WDFY1: variants seen among roughly 807,000 people sequenced by gnomAD.
WDFY1 encodes the protein WD repeat and FYVE domain-containing protein 1.
In WDFY1, 32 loss-of-function variants were observed where a neutral mutation model predicts 56.4. The ratio of observed to expected loss-of-function variants is 0.57; its 90% CI spans 0.43 to 0.76. The LOEUF is 0.76. Ranked by LOEUF, WDFY1 falls within the 30% of genes least tolerant of loss-of-function variation. The probability of loss-of-function intolerance (pLI) is 0.00; values close to 1 mark genes in which losing one functional copy is unlikely to be tolerated. For synonymous variants in WDFY1, 192 were observed against 197.3 expected, an observed-to-expected ratio of 0.97 and a Z score of 0.23; for missense variants, 480 against 545.7, an observed-to-expected ratio of 0.88 and a Z score of 1.20.
chr2:223,930,203 T>C (rs567712118), intron 1 of WDFY1, among the ~76,000 whole-genome samples: 1 of 152,330 alleles, frequency 6.6e-6, no homozygotes, highest in South Asian at 2.1e-4. Flanking sequence ...CGATATTGTA[T>C]GTAAGTGCCT....
At chr2:223,887,856 T>A (rs1395096626) in intron 8 of WDFY1, among the ~76,000 whole-genome samples, 2 of 152,184 alleles carry the variant, frequency 1.3e-5, no homozygotes, top group Non-Finnish European at 2.9e-5. Flanking sequence ...ATTGGCCTGG[T>A]TTGATCCACA....
rs1200980652 is a variant in WDFY1, at chr2:223,877,698, G to A, written c.*973C>T. The A allele has an allele frequency of 6.6e-6, 1 of 152,494 alleles. No homozygotes were observed. Among genetic ancestry groups the A allele is most frequent in the African/African-American group, 2.4e-5 (1 of 41,436 alleles). 9.4% of individuals were successfully genotyped at this position (152,494 alleles called of 1,614,324 possible). A position where few individuals can be genotyped will look rare whatever the true frequency, so the allele number is the denominator to read the frequency against. Reference sequence around the variant, plus strand: ...AGTTATAACTCAAAGTCAAAATAGTGTAAAAGCTGTGGAGTGCTTTTGTAG... The same window carrying A: ...AGTTATAACTCAAAGTCAAAATAGTATAAAAGCTGTGGAGTGCTTTTGTAG... On this transcript the variant is annotated 3_prime_UTR_variant, in exon 12 of 12. Coordinates refer to ENST00000233055, the MANE Select transcript of WDFY1 (RefSeq NM_020830.5).
chr2:223,890,022 C>G (rs1488635345), intron 8 of WDFY1, among the ~76,000 whole-genome samples: 1 of 152,182 alleles, frequency 6.6e-6, no homozygotes, highest in African/African-American at 2.4e-5. Flanking sequence ...TCCAGCCTGC[C>G]TCTCTCTGTG....
At chr2:223,942,526 A>AATTTTTTTTTTT (rs1559178420) in intron 1 of WDFY1, among the ~76,000 whole-genome samples, 3 of 78,752 alleles carry the variant, frequency 3.8e-5, no homozygotes, top group Non-Finnish European at 7.3e-5. Context: ...CCAAAGGCTA[A>AATTTTTTTTTTT]CTTTTTTTTT....
intron 6 of WDFY1, among the ~76,000 whole-genome samples, chr2:223,897,931 T>A (rs1693426379): frequency 6.6e-6 from 1 of 152,134 alleles, no homozygotes. Flanking sequence ...CCTAAGGCCC[T>A]CACCAGAAGC....
chr2:223,894,197 C>G, intron 8 of WDFY1, 37 bp downstream of exon 8: 1 of 1,607,434 alleles, frequency 6.2e-7, no homozygotes, highest in Non-Finnish European at 8.5e-7. Flanking sequence ...TCCTGGGGGT[C>G]TCCCCCGATC....
chr2:223,914,775 T>A (rs1019302311), intron 2 of WDFY1, among the ~76,000 whole-genome samples: 4 of 152,278 alleles, frequency 2.6e-5, no homozygotes, highest in Middle Eastern at 3.4e-3. Context: ...GATGGTTTCA[T>A]AAAATTATAT....
At chr2:223,902,404 A>C (rs936051250) in intron 4 of WDFY1, among the ~76,000 whole-genome samples, 1 of 152,050 alleles carries the variant, frequency 6.6e-6, no homozygotes, top group Non-Finnish European at 1.5e-5. Context: ...CTCTACAGAA[A>C]ATTTTTTAAA....
At chr2:223,942,729 G>T (rs1421709756) in intron 1 of WDFY1, among the ~76,000 whole-genome samples, 1 of 129,632 alleles carries the variant, frequency 7.7e-6, no homozygotes, top group African/African-American at 2.9e-5. Flanking sequence ...TAGAGACGGG[G>T]TTTCACCTTG....
At chr2:223,884,802 T>G in intron 8 of WDFY1, 53 bp from the exon 9 acceptor site, 1 of 1,492,462 alleles carries the variant, frequency 6.7e-7, no homozygotes, top group Non-Finnish European at 9.3e-7. Context: ...TTTACTCCCA[T>G]GTTTCAAAAT....
intron 8 of WDFY1, among the ~76,000 whole-genome samples, chr2:223,890,563 A>G (rs1168033355): frequency 6.6e-6 from 1 of 152,246 alleles, no homozygotes; most frequent in Non-Finnish European, 1.5e-5. Flanking sequence ...ACTGTAAGCT[A>G]ACATGAGCCA....
At chr2:223,924,633 G>C (rs1260490322) in intron 1 of WDFY1, among the ~76,000 whole-genome samples, 1 of 152,098 alleles carries the variant, frequency 6.6e-6, no homozygotes, top group Non-Finnish European at 1.5e-5. Context: ...CAAAGTGCTG[G>C]GATTACAGGT....
At chr2:223,896,306 A>T (rs1693375749) in intron 6 of WDFY1, among the ~76,000 whole-genome samples, 1 of 149,224 alleles carries the variant, frequency 6.7e-6, no homozygotes, top group Non-Finnish European at 1.5e-5. Context: ...TTAGTGACAA[A>T]AACCAGTAAA....
intron 1 of WDFY1, among the ~76,000 whole-genome samples, chr2:223,929,773 G>A (rs1694044733): frequency 1.3e-5 from 2 of 152,218 alleles, no homozygotes; most frequent in South Asian, 2.1e-4. Context: ...GAAGCAAGGA[G>A]AGATACGATC....
At position 223,878,082 on chromosome 2, in the gene WDFY1, A is replaced by C. The variant is rs1693000423; in HGVS notation, c.*589T>G. On this transcript the variant is annotated 3_prime_UTR_variant, in exon 12 of 12. Coordinates refer to ENST00000233055, the MANE Select transcript of WDFY1 (RefSeq NM_020830.5). The stretch of plus-strand genomic sequence containing the variant: ...AAACAACTGAAGCAAGCCAATGCTA[A>C]GTGCAGATTATGGCACTACCTGAAA... 1 of 152,604 alleles carries C rather than the reference A, an allele frequency of 6.6e-6. No individual in the cohort carries two copies. The highest frequency in any genetic ancestry group is 6.5e-5 in the Admixed American group (1 of 15,288). The allele number at this position is 152,604 out of a possible 1,614,324, so 9.5% of individuals were successfully genotyped here.
chr2:223,913,992 G>GATTTT (rs1693746657), intron 2 of WDFY1, among the ~76,000 whole-genome samples: 1 of 55,242 alleles, frequency 1.8e-5, no homozygotes, highest in African/African-American at 5.9e-5. Flanking sequence ...AAATCAGTTA[G>GATTTT]CTTTTTTTTT....
chr2:223,936,911 T>C (rs1378706075), intron 1 of WDFY1, among the ~76,000 whole-genome samples: 1 of 152,246 alleles, frequency 6.6e-6, no homozygotes, highest in Non-Finnish European at 1.5e-5. Flanking sequence ...GCCTGTCCTG[T>C]GACTCCACAG....
chr2:223,881,256 G>A (rs1693064945), intron 10 of WDFY1, among the ~76,000 whole-genome samples: 1 of 152,166 alleles, frequency 6.6e-6, no homozygotes, highest in Non-Finnish European at 1.5e-5. Context: ...GTGAACAAAG[G>A]TCTGGGCACT....
intron 8 of WDFY1, among the ~76,000 whole-genome samples, chr2:223,887,868 A>G (rs947035099): frequency 1.3e-5 from 2 of 152,154 alleles, no homozygotes; most frequent in Non-Finnish European, 2.9e-5. Flanking sequence ...TGATCCACAA[A>G]TTTTTAAAAT....
Sources: allele counts gnomAD v4.1 joint callset (sites outside exome capture counted in the v4.1 genomes callset), GRCh38; gene constraint gnomAD v4.1.1; transcripts MANE v1.5; gene names NCBI Gene and HGNC (gene_info 2026-07-23, HGNC 2026-07-21).